The following PLA2G4C variants were observed in gnomAD, a reference collection of about 807,000 sequenced individuals.
PLA2G4C encodes cytosolic phospholipase A2 gamma.
PLA2G4C carries 64 observed loss-of-function variants against 73.8 expected under a neutral mutation model. The ratio of observed to expected loss-of-function variants is 0.87; its 90% CI spans 0.71 to 1.07. PLA2G4C has a LOEUF of 1.07. PLA2G4C is among the 50% of genes least tolerant of loss of function. The probability of loss-of-function intolerance (pLI) is 0.00; values close to 1 mark genes in which losing one functional copy is unlikely to be tolerated. For synonymous variants in PLA2G4C, 254 were observed against 252.1 expected, an observed-to-expected ratio of 1.01 and a Z score of -0.07; for missense variants, 622 against 665.4, an observed-to-expected ratio of 0.93 and a Z score of 0.72.
intron 16 of PLA2G4C, among the ~76,000 whole-genome samples, chr19:48,051,480 C>A (rs1032343781): frequency 2.0e-5 from 3 of 152,142 alleles, no homozygotes; most frequent in Non-Finnish European, 2.9e-5. Context: ...AGTTGCAAAA[C>A]CGCAATTACT....
rs1051067179 is a variant in PLA2G4C at position 48,105,602 on chromosome 19, G to A, written c.9-158C>T. On this transcript the variant is annotated intron_variant, in intron 2 of 16. Transcript: ENST00000599921. Reference sequence around the variant, plus strand: ...GAGGAAAATATTCTGAAACTAGATAGAGGTGATGGTTGTACAACACTGTGA... The same window carrying A: ...GAGGAAAATATTCTGAAACTAGATAAAGGTGATGGTTGTACAACACTGTGA... The A allele has an allele frequency of 4.9e-6, 3 of 608,256 alleles. No individual in the cohort carries two copies. The Admixed American group carries it at 8.9e-5, about 18-fold the overall frequency. 37.7% of individuals were successfully genotyped at this position (608,256 alleles called of 1,614,324 possible). A position where few individuals can be genotyped will look rare whatever the true frequency, so the allele number is the denominator to read the frequency against.
chr19:48,082,729 C>T (rs1482036221), intron 10 of PLA2G4C, among the ~76,000 whole-genome samples: 1 of 151,198 alleles, frequency 6.6e-6, no homozygotes, highest in African/African-American at 2.4e-5. Context: ...GGACTCCTGA[C>T]CTCAAGTGAT....
chr19:48,052,863 G>T, intron 16 of PLA2G4C, 134 bp downstream of exon 16: 1 of 879,922 alleles, frequency 1.1e-6, no homozygotes, highest in Non-Finnish European at 1.7e-6. Context: ...CTGCTGAGAC[G>T]CAAGCTCAAG....
chr19:48,075,020 C>T (rs1334070066), intron 11 of PLA2G4C, 146 bp from the exon 12 acceptor site: 2 of 554,164 alleles, frequency 3.6e-6, no homozygotes, highest in African/African-American at 2.0e-5. Flanking sequence ...TCTCCCCTTG[C>T]CTTCTGCTGA....
Position 48,110,559 on chromosome 19 carries a change from G to GCTCCGGAATCCGGTGCGGAGGCTTGGT in PLA2G4C, c.-106_-105insACCAAGCCTCCGCACCGGATTCCGGAG. 5.4e-6 allele frequency: 8 copies of GCTCCGGAATCCGGTGCGGAGGCTTGGT among 1,483,710 alleles called. No homozygotes were observed. The highest frequency in any genetic ancestry group is 1.3e-5 in the South Asian group (1 of 79,754). 91.9% of individuals were successfully genotyped at this position (1,483,710 alleles called of 1,614,324 possible). A position where few individuals can be genotyped will look rare whatever the true frequency, so the allele number is the denominator to read the frequency against. On this transcript the variant is annotated 5_prime_UTR_variant, in exon 1 of 17. Coordinates refer to ENST00000599921, the MANE Select transcript of PLA2G4C (RefSeq NM_003706.3). ...TCCGGAATCCGGTGCGGAGGCTTGGGCTCCCTGCGCTTAGCGGTGTAGTCG... is the reference window on the plus strand; with the variant it reads ...TCCGGAATCCGGTGCGGAGGCTTGGGCTCCGGAATCCGGTGCGGAGGCTTGGTCTCCCTGCGCTTAGCGGTGTAGTCG...
rs1024674741 is a variant in PLA2G4C, at chr19:48,098,056, G to A, written c.568+83C>T. 2.0e-6 allele frequency: 3 copies of A among 1,471,728 alleles called. No individual in the cohort carries two copies. In the African/African-American group the frequency reaches 4.2e-5, roughly 21 times the overall value. The allele number at this position is 1,471,728 out of a possible 1,614,324, so 91.2% of individuals were successfully genotyped here. A position where few individuals can be genotyped will look rare whatever the true frequency, so the allele number is the denominator to read the frequency against. On this transcript the variant is annotated intron_variant, in intron 6 of 16. Coordinates refer to ENST00000599921, the MANE Select transcript of PLA2G4C (RefSeq NM_003706.3). ...TTCCCTCTTCCTGGGCTCCCCAAGG[G>A]GAGGGCAGGGAAACATTCTTCCATT...
At chr19:48,084,683 C>G (rs1164351803) in intron 10 of PLA2G4C, among the ~76,000 whole-genome samples, 1 of 152,186 alleles carries the variant, frequency 6.6e-6, no homozygotes, top group East Asian at 1.9e-4. Context: ...TTACTGAGTG[C>G]CTTTATCTAC....
intron 16 of PLA2G4C, among the ~76,000 whole-genome samples, chr19:48,050,976 G>A (rs1967704801): frequency 1.3e-5 from 2 of 152,112 alleles, no homozygotes; most frequent in Admixed American, 6.6e-5. Context: ...CTCCTGGCCA[G>A]TACATGACTT....
At chr19:48,052,149 G>A (rs1967751851) in intron 16 of PLA2G4C, 1 of 152,290 alleles carries the variant, frequency 6.6e-6, no homozygotes, top group East Asian at 1.9e-4. Context: ...CCAAAGTGCT[G>A]GGATTACAGA....
At position 48,080,977 on chromosome 19, in the gene PLA2G4C, G is replaced by A. The variant is rs565095636; in HGVS notation, c.845-3153C>T. 3.1e-5 allele frequency among the ~76,000 whole-genome samples: 4 copies of A among 128,218 alleles called. No homozygotes were observed. The Admixed American group carries it at 3.6e-4, about 12-fold the overall frequency. The allele number at this position is 128,218 out of a possible 152,430, so 84.1% of individuals were successfully genotyped here. Reference sequence around the variant, plus strand: ...ATCGAGACTATCCTGGCTAACACCGGTCTCTACTAAAAATACAAAAAAAAA... The same window carrying A: ...ATCGAGACTATCCTGGCTAACACCGATCTCTACTAAAAATACAAAAAAAAA... On this transcript the variant is annotated intron_variant, in intron 10 of 16. Transcript: ENST00000599921.
chr19:48,087,251 C>A (rs2031032054), intron 9 of PLA2G4C, among the ~76,000 whole-genome samples: 1 of 152,138 alleles, frequency 6.6e-6, no homozygotes, highest in Non-Finnish European at 1.5e-5. Flanking sequence ...CACGGAAAGC[C>A]CACAGCTCTA....
intron 10 of PLA2G4C, among the ~76,000 whole-genome samples, 194 bp downstream of exon 10, chr19:48,084,865 G>T (rs1468022453): frequency 1.3e-5 from 2 of 152,138 alleles, no homozygotes; most frequent in Admixed American, 6.5e-5. Context: ...AAGGGTGTCT[G>T]TACTCTCATC....
intron 9 of PLA2G4C, among the ~76,000 whole-genome samples, chr19:48,085,710 G>A (rs975181369): frequency 6.6e-5 from 10 of 151,850 alleles, no homozygotes; most frequent in South Asian, 2.1e-4. Flanking sequence ...AGGAAGTGAC[G>A]GGCTGCAGCC....
chr19:48,103,767 T>G, intron 4 of PLA2G4C, among the ~76,000 whole-genome samples: 1 of 152,328 alleles, frequency 6.6e-6, no homozygotes, highest in Middle Eastern at 3.4e-3. Flanking sequence ...CACCTGAACA[T>G]GTAAATCCTC....
At chr19:48,050,984 C>T (rs770258773) in intron 16 of PLA2G4C, among the ~76,000 whole-genome samples, 3 of 152,080 alleles carry the variant, frequency 2.0e-5, no homozygotes, top group Non-Finnish European at 4.4e-5. Context: ...CAGTACATGA[C>T]TTTCCATGGC....
chr19:48,048,254 C>T lies in PLA2G4C; in HGVS notation c.*89G>A. 1.1e-6 allele frequency: 1 copy of T among 925,988 alleles called. No homozygotes were observed. The highest frequency in any genetic ancestry group is 1.7e-6 in the Non-Finnish European group (1 of 587,490). 57.4% of individuals were successfully genotyped at this position (925,988 alleles called of 1,614,324 possible). The stretch of plus-strand genomic sequence containing the variant: ...GAACTCAAGGCCATGAAGCGTGTGG[C>T]TGAAGGGAGTGAAGAACAGGAAGGC... On this transcript the variant is annotated 3_prime_UTR_variant, in exon 17 of 17. Transcript: ENST00000599921.
intron 15 of PLA2G4C, among the ~76,000 whole-genome samples, chr19:48,054,147 G>C (rs539512130): frequency 6.6e-6 from 1 of 152,250 alleles, no homozygotes; most frequent in South Asian, 2.1e-4. Flanking sequence ...GCCTGGCCTG[G>C]TGGTGATATG....
chr19:48,079,952 C>T (rs2030434073), intron 10 of PLA2G4C, among the ~76,000 whole-genome samples: 1 of 152,148 alleles, frequency 6.6e-6, no homozygotes. Context: ...TGGAGTGAGA[C>T]TCCGTCTCAA....
At chr19:48,077,905 C>T in intron 10 of PLA2G4C, 81 bp from the exon 11 acceptor site, 1 of 1,167,346 alleles carries the variant, frequency 8.6e-7, no homozygotes. Context: ...GCAGCGACGT[C>T]TCTTTAATAG....
Sources: gnomAD v4.1 joint callset for allele counts (sites outside exome capture counted in the v4.1 genomes callset) on GRCh38, gnomAD v4.1.1 for gene constraint, MANE v1.5 for transcripts, NCBI Gene and HGNC (gene_info 2026-07-23, HGNC 2026-07-21) for gene names.